HCN1: variants seen among roughly 807,000 people sequenced by gnomAD.
The protein encoded by HCN1 is hyperpolarization activated cyclic nucleotide gated potassium channel 1.
A neutral mutation model predicts 78.9 loss-of-function variants in HCN1; 13 were observed. That is an observed-to-expected ratio of 0.16 (90% CI 0.11 to 0.26). The LOEUF (loss-of-function observed/expected upper bound fraction) is 0.26. Among genes scored for constraint, HCN1 ranks in the 10% least tolerant of loss-of-function variants. The pLI is 1.00. For synonymous variants in HCN1, 552 were observed against 455.5 expected (o/e 1.21, Z -2.70); for missense variants, 810 against 1,154.3 (o/e 0.70, Z 4.32).
chr5:45,540,918 C>G (rs1743090651), intron 2 of HCN1, among the ~76,000 whole-genome samples: 1 of 152,054 alleles, frequency 6.6e-6, no homozygotes. Flanking sequence ...AAAAGTATGT[C>G]TATAACATGA....
intron 4 of HCN1, among the ~76,000 whole-genome samples, chr5:45,376,466 T>G (rs1747679490): frequency 6.7e-6 from 1 of 149,688 alleles, no homozygotes; most frequent in Non-Finnish European, 1.5e-5. Context: ...AGACACCAGA[T>G]TGGCTAGTGT....
chr5:45,344,882 T>C (rs774682930), intron 5 of HCN1, among the ~76,000 whole-genome samples: 6 of 152,244 alleles, frequency 3.9e-5, no homozygotes, highest in Middle Eastern at 3.4e-3. Context: ...ATGGTGGTCC[T>C]CTTCTCACAG....
intron 4 of HCN1, among the ~76,000 whole-genome samples, chr5:45,372,157 GTTA>G (rs1373168014): frequency 1.2e-4 from 7 of 56,814 alleles, no homozygotes; most frequent in Non-Finnish European, 1.7e-4. Context: ...TATATAATAT[GTTA>G]TTATATATAA....
At chr5:45,510,292 TAAG>T (rs753791384) in intron 2 of HCN1, among the ~76,000 whole-genome samples, 2 of 151,990 alleles carry the variant, frequency 1.3e-5, no homozygotes, top group South Asian at 4.1e-4. Context: ...ATGCAGATAA[TAAG>T]AAGTGAAGAA....
chr5:45,600,632 G>A (rs1471456808), intron 2 of HCN1, among the ~76,000 whole-genome samples: 1 of 152,146 alleles, frequency 6.6e-6, no homozygotes, highest in Non-Finnish European at 1.5e-5. Flanking sequence ...AACAGTTGGA[G>A]GAGACAAAAA....
chr5:45,540,904 GA>G (rs370927412), intron 2 of HCN1, among the ~76,000 whole-genome samples: 5 of 151,688 alleles, frequency 3.3e-5, no homozygotes, highest in African/African-American at 9.7e-5. Flanking sequence ...AATTTACAAA[GA>G]AAAAAAGTAT....
intron 3 of HCN1, among the ~76,000 whole-genome samples, chr5:45,410,227 G>A (rs530979529): frequency 6.6e-6 from 1 of 152,076 alleles, no homozygotes; most frequent in African/African-American, 2.4e-5. Context: ...AAAGTTCAGA[G>A]TTTCATTCAG....
chr5:45,694,776 T>C (rs371715928), intron 1 of HCN1, among the ~76,000 whole-genome samples: 2 of 152,328 alleles, frequency 1.3e-5, no homozygotes, highest in African/African-American at 2.4e-5. Context: ...TAAATATGCT[T>C]ATCACCGAAC....
intron 2 of HCN1, among the ~76,000 whole-genome samples, chr5:45,476,136 T>C (rs897199979): frequency 6.6e-6 from 1 of 152,162 alleles, no homozygotes; most frequent in Non-Finnish European, 1.5e-5. Flanking sequence ...CACAAAGCTC[T>C]TCTGAGGATT....
chr5:45,525,695 G>T (rs1023287137), intron 2 of HCN1, among the ~76,000 whole-genome samples: 51 of 151,990 alleles, frequency 3.4e-4, no homozygotes, highest in Admixed American at 1.2e-3. Flanking sequence ...GAAAGTAATT[G>T]ATTTGCCCCA....
At chr5:45,521,363 G>T (rs1184205995) in intron 2 of HCN1, among the ~76,000 whole-genome samples, 1 of 151,906 alleles carries the variant, frequency 6.6e-6, no homozygotes, top group Non-Finnish European at 1.5e-5. Flanking sequence ...TTGAACAACA[G>T]AAATTTATTG....
chr5:45,349,912 C>T (rs1183609138), intron 5 of HCN1, among the ~76,000 whole-genome samples: 3 of 152,104 alleles, frequency 2.0e-5, no homozygotes, highest in African/African-American at 7.2e-5. Context: ...AGTCCAGGAC[C>T]AGATGGATTC....
intron 5 of HCN1, among the ~76,000 whole-genome samples, chr5:45,320,791 C>G (rs527345807): frequency 6.6e-6 from 1 of 151,884 alleles, no homozygotes; most frequent in Non-Finnish European, 1.5e-5. Flanking sequence ...GAAGGCTATA[C>G]ATTGGCTTTT....
At chr5:45,657,031 G>C (rs1745775420) in intron 1 of HCN1, among the ~76,000 whole-genome samples, 1 of 152,080 alleles carries the variant, frequency 6.6e-6, no homozygotes, top group Non-Finnish European at 1.5e-5. Context: ...GGAGCAGAAT[G>C]GGTGATGTGT....
chr5:45,500,651 A>G (rs753648000), intron 2 of HCN1, among the ~76,000 whole-genome samples: 4 of 152,204 alleles, frequency 2.6e-5, no homozygotes, highest in African/African-American at 9.6e-5. Context: ...AATTTATCTC[A>G]TCTTAACATA....
chr5:45,545,714 C>T (rs184793048), intron 2 of HCN1, among the ~76,000 whole-genome samples: 25 of 152,200 alleles, frequency 1.6e-4, no homozygotes, highest in Admixed American at 7.2e-4. Context: ...AATCTTTTCC[C>T]CATTTCTTGT....
chr5:45,316,686 T>C (rs929070818), intron 5 of HCN1, among the ~76,000 whole-genome samples: 2 of 152,190 alleles, frequency 1.3e-5, no homozygotes, highest in Admixed American at 1.3e-4. Flanking sequence ...GCCCAAAATC[T>C]TCTTAAGCTG....
intron 6 of HCN1, among the ~76,000 whole-genome samples, chr5:45,295,079 A>G (rs1745460959): frequency 6.6e-6 from 1 of 151,966 alleles, no homozygotes; most frequent in Non-Finnish European, 1.5e-5. Context: ...TCACTCCTTG[A>G]GCACCCCAAC....
chr5:45,366,534 T>C (rs188246717), intron 4 of HCN1, among the ~76,000 whole-genome samples: 1 of 151,934 alleles, frequency 6.6e-6, no homozygotes, highest in Non-Finnish European at 1.5e-5. Flanking sequence ...TTAGCATTAG[T>C]AATAGCTTGA....
Sources: allele counts gnomAD v4.1 joint callset (sites outside exome capture counted in the v4.1 genomes callset), GRCh38; gene constraint gnomAD v4.1.1; transcripts MANE v1.5; gene names NCBI Gene and HGNC (gene_info 2026-07-23, HGNC 2026-07-21).